Variants in OSBPL10 observed in about 807,000 individuals in gnomAD.
OSBPL10 encodes the protein oxysterol binding protein like 10.
A neutral mutation model predicts 81.7 loss-of-function variants in OSBPL10; 49 were observed. The ratio of observed to expected loss-of-function variants is 0.60; its 90% confidence interval spans 0.48 to 0.76. The LOEUF is 0.76. OSBPL10 is among the 30% of genes least tolerant of loss of function. The pLI is 0.00. For missense variants in OSBPL10, 923 were observed against 987.8 expected, an observed-to-expected ratio of 0.93 and a Z score of 0.88; for synonymous variants, 419 against 383.6, an observed-to-expected ratio of 1.09 and a Z score of -1.08.
chr3:31,794,717 G>A (rs1024604083), intron 4 of OSBPL10: 49 of 297,674 alleles, frequency 1.6e-4, no homozygotes, highest in African/African-American at 9.3e-4. Context: ...AGGACTCTGA[G>A]GGCAGGGGGG....
intron 8 of OSBPL10, among the ~76,000 whole-genome samples, chr3:31,676,553 C>A (rs1240285823): frequency 6.6e-6 from 1 of 152,194 alleles, no homozygotes; most frequent in Non-Finnish European, 1.5e-5. Context: ...CAATCTCAAT[C>A]TGAGGAACCA....
At chr3:31,745,228 T>C (rs1008591471) in intron 5 of OSBPL10, among the ~76,000 whole-genome samples, 3 of 152,250 alleles carry the variant, frequency 2.0e-5, no homozygotes, top group Non-Finnish European at 2.9e-5. Flanking sequence ...CAAAGAGGAC[T>C]ATACTCGTTA....
intron 6 of OSBPL10, among the ~76,000 whole-genome samples, chr3:31,723,571 C>CACACACACACACACA (rs376763435): frequency 2.0e-5 from 3 of 151,232 alleles, no homozygotes; most frequent in East Asian, 1.9e-4. Context: ...CACACACACA[C>CACACACACACACACA]CCCTTTCCCT....
chr3:31,885,630 A>G (rs1695710178), intron 1 of OSBPL10, among the ~76,000 whole-genome samples: 1 of 152,086 alleles, frequency 6.6e-6, no homozygotes, highest in Non-Finnish European at 1.5e-5. Context: ...TTGTCGGGGA[A>G]GGAACTGGGC....
intron 1 of OSBPL10, among the ~76,000 whole-genome samples, chr3:31,940,778 G>T (rs1391317072): frequency 6.6e-6 from 1 of 151,998 alleles, no homozygotes; most frequent in Non-Finnish European, 1.5e-5. Context: ...TGTTACTACT[G>T]CCAGGAAGTC....
At chr3:31,737,328 C>T (rs1553619621) in intron 5 of OSBPL10, among the ~76,000 whole-genome samples, 3 of 152,090 alleles carry the variant, frequency 2.0e-5, no homozygotes, top group Non-Finnish European at 2.9e-5. Flanking sequence ...AAGGACTGTA[C>T]AGAGCTTGGG....
At chr3:31,930,003 C>CAAAAAAAAAAAAAAAAAAAAAAAAAAA (rs57256301) in intron 1 of OSBPL10, among the ~76,000 whole-genome samples, 1 of 72,574 alleles carries the variant, frequency 1.4e-5, no homozygotes, top group African/African-American at 5.3e-5. Context: ...TGTCACCAAC[C>CAAAAAAAAAAAAAAAAAAAAAAAAAAA]AAAAAAAAAA....
intron 1 of OSBPL10, among the ~76,000 whole-genome samples, chr3:31,911,463 A>G (rs1696575654): frequency 6.6e-6 from 1 of 152,136 alleles, no homozygotes; most frequent in African/African-American, 2.4e-5. Context: ...GGGAATGGCG[A>G]AACACCACTA....
chr3:31,735,585 T>A (rs1002738427), intron 5 of OSBPL10, among the ~76,000 whole-genome samples: 2 of 152,170 alleles, frequency 1.3e-5, no homozygotes, highest in African/African-American at 4.8e-5. Context: ...CACATCAGTA[T>A]TTTTTTCCGT....
intron 6 of OSBPL10, among the ~76,000 whole-genome samples, chr3:31,703,111 C>T (rs1695951436): frequency 6.6e-6 from 1 of 152,212 alleles, no homozygotes; most frequent in Non-Finnish European, 1.5e-5. Context: ...GGGATTCACA[C>T]TGGCCAACAT....
At chr3:31,886,478 A>AT (rs1038498469) in intron 1 of OSBPL10, among the ~76,000 whole-genome samples, 1 of 152,206 alleles carries the variant, frequency 6.6e-6, no homozygotes, top group African/African-American at 2.4e-5. Context: ...CCGCAGCTTC[A>AT]TGGAGAGGGT....
intron 4 of OSBPL10, among the ~76,000 whole-genome samples, chr3:31,753,868 C>T (rs1227450024): frequency 1.3e-5 from 2 of 152,156 alleles, no homozygotes; most frequent in Non-Finnish European, 2.9e-5. Context: ...GGAGACAGAG[C>T]CAGTGCCCTG....
At chr3:32,070,991 G>T (rs995996426) in intron 1 of OSBPL10, among the ~76,000 whole-genome samples, 9 of 152,120 alleles carry the variant, frequency 5.9e-5, no homozygotes, top group Non-Finnish European at 1.0e-4. Flanking sequence ...TTTTTCTCAT[G>T]ATTTACTTTC....
At chr3:31,821,987 T>C (rs1699990950) in intron 4 of OSBPL10, 1 of 152,244 alleles carries the variant, frequency 6.6e-6, no homozygotes, top group African/African-American at 2.4e-5. Flanking sequence ...ACTGAGTTAA[T>C]ATCCATTTAT....
intron 1 of OSBPL10, among the ~76,000 whole-genome samples, chr3:32,048,411 G>C (rs1699642733): frequency 6.6e-6 from 1 of 150,572 alleles, no homozygotes; most frequent in African/African-American, 2.5e-5. Context: ...TGGTTCAAGT[G>C]ATTCGCCTGC....
intron 4 of OSBPL10, among the ~76,000 whole-genome samples, chr3:31,821,941 A>C (rs7635910): frequency 0.78 from 119,091 of 152,192 alleles, 46,871 homozygotes; most frequent in East Asian, 0.95. Flanking sequence ...TCCACATGAA[A>C]CAAGATCACA....
chr3:31,898,604 AAAGAAT>A (rs1696133552), intron 1 of OSBPL10, among the ~76,000 whole-genome samples: 1 of 151,894 alleles, frequency 6.6e-6, no homozygotes, highest in Non-Finnish European at 1.5e-5. Context: ...ATCTAAAAAA[AAAGAAT>A]AAGAATGAAA....
At chr3:32,024,078 C>G (rs1401379350) in intron 2 of OSBPL10, among the ~76,000 whole-genome samples, 1 of 152,132 alleles carries the variant, frequency 6.6e-6, no homozygotes, top group African/African-American at 2.4e-5. Context: ...TATCCAATAC[C>G]CTAATATCAC....
rs1032363067 is a variant in OSBPL10 at position 31,729,424 on chromosome 3, C to T, written c.1095+3833G>A. Among the ~76,000 whole-genome samples, 7 of 152,102 alleles carry T rather than the reference C, an allele frequency of 4.6e-5. 2 individuals carry two copies. Among genetic ancestry groups the T allele is most frequent in the Admixed American group, 2.0e-4 (3 of 15,278 alleles). On this transcript the variant is annotated intron_variant, in intron 6 of 11. Transcript: ENST00000396556. ...GAGCAGACATCAGGGGCCCCTTAGA[C>T]TTTTCTTTTTTGGAGGAGACAGAGT...
Sources: allele counts gnomAD v4.1 joint callset (sites outside exome capture counted in the v4.1 genomes callset), GRCh38; gene constraint gnomAD v4.1.1; transcripts MANE v1.5; gene names NCBI Gene and HGNC (gene_info 2026-07-23, HGNC 2026-07-21).